Variants in SNX14 observed in about 807,000 individuals in gnomAD.
SNX14 encodes the protein sorting nexin 14.
In SNX14, 93 loss-of-function variants were observed where a neutral mutation model predicts 133.8. That is an observed-to-expected ratio of 0.70 (90% confidence interval 0.59 to 0.83). The LOEUF is 0.83. Among genes scored for constraint, SNX14 ranks in the 40% least tolerant of loss-of-function variants. The probability of loss-of-function intolerance (pLI) is 0.00; values close to 1 mark genes in which losing one functional copy is unlikely to be tolerated. For missense variants in SNX14, 945 were observed against 1,094.9 expected, an observed-to-expected ratio of 0.86 and a Z score of 1.93; for synonymous variants, 368 against 365.6, an observed-to-expected ratio of 1.01 and a Z score of -0.07.
At chr6:85,591,354 C>A (rs761955290) in intron 1 of SNX14, among the ~76,000 whole-genome samples, 1 of 152,006 alleles carries the variant, frequency 6.6e-6, no homozygotes, top group African/African-American at 2.4e-5. Context: ...GATACATAAT[C>A]ATGGTTTTAT....
At chr6:85,531,735 C>G (rs1780367443) in intron 18 of SNX14, among the ~76,000 whole-genome samples, 1 of 152,048 alleles carries the variant, frequency 6.6e-6, no homozygotes, top group South Asian at 2.1e-4. Context: ...CTTTAAAATA[C>G]AAGCTTTTGG....
Position 85,593,607 on chromosome 6 carries a change from GAC to G in SNX14, c.110_111del (p.Cys37SerfsTer9). 6.2e-7 allele frequency: 1 copy of G among 1,613,166 alleles called. No homozygotes were observed. Among genetic ancestry groups the G allele is most frequent in the Non-Finnish European group, 8.5e-7 (1 of 1,179,762 alleles). On this transcript the variant is annotated frameshift_variant, in exon 1 of 29. Coordinates refer to ENST00000314673, the MANE Select transcript of SNX14 (RefSeq NM_153816.6). LOFTEE classifies it high-confidence loss of function. ...QYPLFCFLLL[C>X]LSAASLLLNR... is the part of the protein sequence containing the mutation. Reference sequence around the variant, plus strand: ...TTAAGAAGCAGGGAGGCGGCGCTGAGACAGAGCAGCAGGAAGCAGAACAGCGG... The same window carrying G: ...TTAAGAAGCAGGGAGGCGGCGCTGAGAGAGCAGCAGGAAGCAGAACAGCGG...
chr6:85,563,032 A>G (rs2128156598), intron 6 of SNX14, among the ~76,000 whole-genome samples: 1 of 152,298 alleles, frequency 6.6e-6, no homozygotes, highest in East Asian at 1.9e-4. Flanking sequence ...TCTGATAAGT[A>G]AAAGAATAAT....
chr6:85,515,422 A>T (rs1774624714), intron 23 of SNX14, among the ~76,000 whole-genome samples: 1 of 149,986 alleles, frequency 6.7e-6, no homozygotes, highest in South Asian at 2.1e-4. Context: ...CTAAAACAAG[A>T]TATTAAGAAT....
chr6:85,520,738 T>C (rs1177013183), intron 21 of SNX14, among the ~76,000 whole-genome samples: 1 of 152,212 alleles, frequency 6.6e-6, no homozygotes, highest in Non-Finnish European at 1.5e-5. Context: ...AGAATCAGAC[T>C]GTATATATTC....
intron 26 of SNX14, among the ~76,000 whole-genome samples, chr6:85,513,003 C>G (rs778556150): frequency 3.3e-5 from 5 of 152,194 alleles, no homozygotes; most frequent in Non-Finnish European, 5.9e-5. Flanking sequence ...TCTCCCTATG[C>G]TTTAGTATCT....
At chr6:85,559,235 T>C (rs1199907298) in intron 6 of SNX14, among the ~76,000 whole-genome samples, 2 of 152,194 alleles carry the variant, frequency 1.3e-5, no homozygotes, top group East Asian at 1.9e-4. Flanking sequence ...ATATTTTTGC[T>C]AGTATTATAC....
chr6:85,593,384 A>G (rs778966785), intron 1 of SNX14, among the ~76,000 whole-genome samples, 195 bp downstream of exon 1: 10 of 151,948 alleles, frequency 6.6e-5, no homozygotes, highest in Non-Finnish European at 1.3e-4. Flanking sequence ...GAGGCAATCA[A>G]CCCCACCCCA....
At chr6:85,575,920 A>G (rs1461322421) in intron 1 of SNX14, among the ~76,000 whole-genome samples, 7 of 152,244 alleles carry the variant, frequency 4.6e-5, no homozygotes, top group Non-Finnish European at 1.0e-4. Flanking sequence ...AGAAGAAGAC[A>G]AACACTGTTT....
chr6:85,556,684 C>T (rs539805432), intron 7 of SNX14, among the ~76,000 whole-genome samples: 176 of 152,112 alleles, frequency 1.2e-3, no homozygotes, highest in African/African-American at 4.2e-3. Context: ...AACTCCTGAC[C>T]TCAAGTGAGC....
At chr6:85,518,431 T>A (rs1775784308) in intron 21 of SNX14, among the ~76,000 whole-genome samples, 1 of 152,280 alleles carries the variant, frequency 6.6e-6, no homozygotes, top group African/African-American at 2.4e-5. Context: ...TCTAAAGATA[T>A]GCAAAGGTCA....
chr6:85,585,064 G>A (rs1800258383), intron 1 of SNX14, among the ~76,000 whole-genome samples: 1 of 152,160 alleles, frequency 6.6e-6, no homozygotes, highest in Non-Finnish European at 1.5e-5. Context: ...CATAAAAAAG[G>A]ATGAGTTCAT....
intron 9 of SNX14, among the ~76,000 whole-genome samples, 190 bp from the exon 10 acceptor site, chr6:85,547,740 T>C (rs543119638): frequency 1.5e-4 from 23 of 152,350 alleles, no homozygotes; most frequent in Admixed American, 2.6e-4. Context: ...TCTTAACCTT[T>C]GTGAAAATGG....
intron 6 of SNX14, among the ~76,000 whole-genome samples, chr6:85,562,778 G>C (rs1333143666): frequency 6.6e-6 from 1 of 151,878 alleles, no homozygotes; most frequent in East Asian, 1.9e-4. Flanking sequence ...TTTTAGTAGA[G>C]ATGAGGTTTC....
rs554095205 is a variant in SNX14 at position 85,521,486 on chromosome 6, CT to C, written c.2108-3439del. On this transcript the variant is annotated intron_variant, in intron 21 of 28. Transcript: ENST00000314673. ...AATTATTTTTCTTCTGTCCATTTTT[CT>C]ACTGTATTGTCTTCTAACTGAATTT... Among the ~76,000 whole-genome samples the C allele has an allele frequency of 6.9e-3, 1,042 of 152,070 alleles. 13 individuals carry two copies. Among genetic ancestry groups the C allele is most frequent in the African/African-American group, 0.024 (991 of 41,488 alleles).
chr6:85,524,358 T>C (rs1321667892), intron 21 of SNX14, among the ~76,000 whole-genome samples: 1 of 152,156 alleles, frequency 6.6e-6, no homozygotes, highest in Non-Finnish European at 1.5e-5. Context: ...GATGAAAATG[T>C]AGTGATAGGA....
At chr6:85,540,996 CTTTT>C (rs748469763) in intron 15 of SNX14, among the ~76,000 whole-genome samples, 1 of 138,100 alleles carries the variant, frequency 7.2e-6, no homozygotes. Context: ...AGTTTCTTAA[CTTTT>C]TTTTTTTTTT....
chr6:85,544,953 A>C (rs1784998373), intron 12 of SNX14, among the ~76,000 whole-genome samples: 1 of 152,222 alleles, frequency 6.6e-6, no homozygotes, highest in African/African-American at 2.4e-5. Flanking sequence ...TGCATTCCAC[A>C]CATGTGTAGA....
chr6:85,536,239 A>G (rs1487141686), intron 17 of SNX14, among the ~76,000 whole-genome samples: 1 of 152,218 alleles, frequency 6.6e-6, no homozygotes, highest in Non-Finnish European at 1.5e-5. Flanking sequence ...CAGGACAAAA[A>G]TACAGAGAAA....
Sources: gnomAD v4.1 joint callset for allele counts (sites outside exome capture counted in the v4.1 genomes callset) on GRCh38, gnomAD v4.1.1 for gene constraint, MANE v1.5 for transcripts, NCBI Gene and HGNC (gene_info 2026-07-23, HGNC 2026-07-21) for gene names.